LOXL1: variants seen among roughly 807,000 people sequenced by gnomAD.
LOXL1 encodes the protein lysyl oxidase like 1.
Under a neutral mutation model 62.2 loss-of-function variants are expected in LOXL1, and 31 were observed. The ratio of observed to expected loss-of-function variants is 0.50; its 90% confidence interval spans 0.37 to 0.67. The LOEUF (loss-of-function observed/expected upper bound fraction) is 0.67. Among genes scored for constraint, LOXL1 ranks in the 30% least tolerant of loss-of-function variants. The pLI, the probability that LOXL1 is intolerant of heterozygous loss-of-function variation, is 0.00. For synonymous variants in LOXL1, 403 were observed against 384.4 expected (o/e 1.05, Z -0.56); for missense variants, 775 against 843.4 (o/e 0.92, Z 1.00).
chr15:73,946,232 A>G, intron 2 of LOXL1, 185 bp from the exon 3 acceptor site: 1 of 584,128 alleles, frequency 1.7e-6, no homozygotes, highest in Non-Finnish European at 3.1e-6. Flanking sequence ...ACGGGGTCAG[A>G]AGACAGAGGA....
At chr15:73,943,833 A>C (rs1176642386) in intron 2 of LOXL1, among the ~76,000 whole-genome samples, 1 of 152,134 alleles carries the variant, frequency 6.6e-6, no homozygotes, top group Non-Finnish European at 1.5e-5. Flanking sequence ...CTATCTAGGA[A>C]ACTCTTTAGA....
chr15:73,940,748 G>A (rs2068708356), intron 1 of LOXL1, among the ~76,000 whole-genome samples: 1 of 152,242 alleles, frequency 6.6e-6, no homozygotes, highest in Admixed American at 6.5e-5. Context: ...GGTGCAGACT[G>A]TGATCAGGCA....
At chr15:73,934,697 AAG>A (rs2068658911) in intron 1 of LOXL1, among the ~76,000 whole-genome samples, 2 of 152,258 alleles carry the variant, frequency 1.3e-5, no homozygotes, top group Non-Finnish European at 2.9e-5. Context: ...CGTGAAAAGA[AAG>A]AGACAAAATT....
Position 73,929,601 on chromosome 15 carries a change from A to G in LOXL1, c.1102+1716A>G, listed in dbSNP as rs1355171316. ...CCTGCAGGAGCTCAGGAAAAATCAG[A>G]TGGCAGGTCCTTCTGTGGTGTGATG... On this transcript the variant is annotated intron_variant, in intron 1 of 6. Coordinates refer to ENST00000261921, the MANE Select transcript of LOXL1 (RefSeq NM_005576.4). Among the ~76,000 whole-genome samples, 4 of 152,342 alleles carry G rather than the reference A, an allele frequency of 2.6e-5. No homozygotes were observed. The South Asian group carries it at 6.2e-4, about 24-fold the overall frequency.
chr15:73,950,125 TAGA>T (rs1175681804), intron 6 of LOXL1, among the ~76,000 whole-genome samples: 1 of 152,106 alleles, frequency 6.6e-6, no homozygotes, highest in East Asian at 1.9e-4. Flanking sequence ...GCCCCCATTG[TAGA>T]AGAAGTGCCT....
rs1401266272 is a variant in LOXL1 at position 73,949,958 on chromosome 15, G to T, written c.1718+384G>T. 3.3e-5 allele frequency among the ~76,000 whole-genome samples: 5 copies of T among 152,280 alleles called. No individual in the cohort carries two copies. In the South Asian group the frequency reaches 6.2e-4, roughly 19 times the overall value. On this transcript the variant is annotated intron_variant, in intron 6 of 6. Coordinates refer to ENST00000261921, the MANE Select transcript of LOXL1 (RefSeq NM_005576.4). ...CTATAAAATAGGTATTTCCACATAG[G>T]CTGGCAATGAGGATCTACAGGCCTG...
In LOXL1 at chr15:73,947,799, T is replaced by G; in HGVS notation, c.1507-8T>G. On this transcript the variant is annotated splice_region_variant and splice_polypyrimidine_tract_variant and intron_variant, in intron 4 of 6. Coordinates refer to ENST00000261921, the MANE Select transcript of LOXL1 (RefSeq NM_005576.4). Reference sequence around the variant, plus strand: ...GCATCACAGCCGCTCCTCTTGTCCCTTTCCCAGGGCCTGAGCCCAGGCTGC... The same window carrying G: ...GCATCACAGCCGCTCCTCTTGTCCCGTTCCCAGGGCCTGAGCCCAGGCTGC... 1 of 1,601,882 alleles carries G rather than the reference T, an allele frequency of 6.2e-7. No homozygotes were observed.
intron 6 of LOXL1, among the ~76,000 whole-genome samples, chr15:73,951,446 C>T (rs552311452): frequency 6.6e-6 from 1 of 152,156 alleles, no homozygotes; most frequent in East Asian, 1.9e-4. Context: ...AGAGCGTTCC[C>T]AGAAAGGCCA....
chr15:73,927,806 G>T lies in LOXL1; in HGVS notation c.1023G>T (p.Pro341=), dbSNP rs1475073550. The part of the protein sequence containing the change: ...YLPVRSSDTP[P]PGGERNGAQQ... Reference sequence around the variant, plus strand: ...CGGTGCGCAGCTCCGACACGCCCCCGCCGGGTGGGGAGCGGAACGGCGCGC... The same window carrying T: ...CGGTGCGCAGCTCCGACACGCCCCCTCCGGGTGGGGAGCGGAACGGCGCGC... Residue 341 remains proline (P), a synonymous_variant, in exon 1 of 7, where the codon CCG becomes CCT. Transcript: ENST00000261921. The T allele has an allele frequency of 8.7e-6, 12 of 1,372,008 alleles. No homozygotes were observed. Among genetic ancestry groups the T allele is most frequent in the Non-Finnish European group, 1.1e-5 (12 of 1,071,448 alleles). The allele number at this position is 1,372,008 out of a possible 1,614,324, so 85.0% of individuals were successfully genotyped here.
At chr15:73,946,578 G>A (rs771072953) in intron 3 of LOXL1, 24 bp downstream of exon 3, 36 of 1,585,716 alleles carry the variant, frequency 2.3e-5, no homozygotes, top group Middle Eastern at 1.7e-4. Context: ...GGCTGGGCCC[G>A]TCCTCTTCCA....
chr15:73,934,281 A>G (rs4283182), intron 1 of LOXL1, among the ~76,000 whole-genome samples: 152,248 of 152,366 alleles, frequency 1, 76,065 homozygotes, highest in East Asian at 1. Flanking sequence ...TTTATGGAGT[A>G]TGGGCATTGG....
chr15:73,927,803 C>G lies in LOXL1; in HGVS notation c.1020C>G (p.Pro340=). ...PYLPVRSSDT[P]PPGGERNGAQ... The stretch of plus-strand genomic sequence containing the variant: ...TGCCGGTGCGCAGCTCCGACACGCC[C>G]CCGCCGGGTGGGGAGCGGAACGGCG... Residue 340 remains proline (P), a synonymous_variant, in exon 1 of 7, where the codon CCC becomes CCG. Coordinates refer to ENST00000261921, the MANE Select transcript of LOXL1 (RefSeq NM_005576.4). The G allele has an allele frequency of 1.5e-6, 2 of 1,375,286 alleles. No homozygotes were observed. Among genetic ancestry groups the G allele is most frequent in the Non-Finnish European group, 1.9e-6 (2 of 1,073,012 alleles). The allele number at this position is 1,375,286 out of a possible 1,614,324, so 85.2% of individuals were successfully genotyped here.
intron 1 of LOXL1, among the ~76,000 whole-genome samples, chr15:73,929,856 C>G (rs2068623585): frequency 6.6e-6 from 1 of 152,210 alleles, no homozygotes; most frequent in South Asian, 2.1e-4. Flanking sequence ...TCAAATGCCA[C>G]AATATTGGCA....
chr15:73,949,499 TCAC>T lies in LOXL1; in HGVS notation c.1646_1648del (p.Thr549del). 2 of 1,614,086 alleles carry T rather than the reference TCAC, an allele frequency of 1.2e-6. No homozygotes were observed. The highest frequency in any genetic ancestry group is 1.7e-6 in the Non-Finnish European group (2 of 1,179,940). Reference sequence around the variant, plus strand: ...AAGTATATTGTTTTGGAGTCTGACTTCACCAACAACGTGGTGAGATGCAACATT... The same window carrying T: ...AAGTATATTGTTTTGGAGTCTGACTTCAACAACGTGGTGAGATGCAACATT... On this transcript the variant is annotated inframe_deletion, in exon 6 of 7. Coordinates refer to ENST00000261921, the MANE Select transcript of LOXL1 (RefSeq NM_005576.4).
intron 1 of LOXL1, among the ~76,000 whole-genome samples, chr15:73,941,641 C>G (rs946274057): frequency 6.6e-6 from 1 of 152,136 alleles, no homozygotes; most frequent in African/African-American, 2.4e-5. Context: ...ACTTACCTGA[C>G]AGAATCCCTG....
intron 1 of LOXL1, 38 bp downstream of exon 1, chr15:73,927,923 C>T (rs1254067559): frequency 5.4e-6 from 7 of 1,292,346 alleles, no homozygotes; most frequent in South Asian, 2.6e-5. Context: ...CCGCGCGTAC[C>T]CCTGGCCACT....
intron 6 of LOXL1, among the ~76,000 whole-genome samples, chr15:73,950,780 C>A (rs1263341702): frequency 6.6e-6 from 1 of 152,226 alleles, no homozygotes; most frequent in Non-Finnish European, 1.5e-5. Context: ...CATTTAGAGA[C>A]AGCCCTCTCA....
chr15:73,931,112 A>C (rs1444434769), intron 1 of LOXL1, among the ~76,000 whole-genome samples: 2 of 151,914 alleles, frequency 1.3e-5, no homozygotes, highest in East Asian at 1.9e-4. Flanking sequence ...CAGCCCCAGA[A>C]GACCAAAGCT....
intron 2 of LOXL1, 24 bp from the exon 3 acceptor site, chr15:73,946,391 CCT>C (rs765656196): frequency 1.7e-5 from 26 of 1,536,880 alleles, no homozygotes; most frequent in Non-Finnish European, 2.2e-5. Flanking sequence ...CCCAACCCCC[CCT>C]CATCTCCCCC....
Sources: gnomAD v4.1 joint callset for allele counts (sites outside exome capture counted in the v4.1 genomes callset) on GRCh38, gnomAD v4.1.1 for gene constraint, MANE v1.5 for transcripts, NCBI Gene and HGNC (gene_info 2026-07-23, HGNC 2026-07-21) for gene names.